Variants in NEGR1 observed in about 807,000 individuals in gnomAD.
NEGR1 encodes IgLON family member 4.
In NEGR1, 10 loss-of-function variants were observed where a neutral mutation model predicts 40.9. The ratio of observed to expected loss-of-function variants is 0.24; its 90% CI spans 0.15 to 0.42. The LOEUF (loss-of-function observed/expected upper bound fraction) is 0.42. Among genes scored for constraint, NEGR1 ranks in the 10% least tolerant of loss-of-function variants. The probability of loss-of-function intolerance (pLI) is 1.00; values close to 1 mark genes in which losing one functional copy is unlikely to be tolerated. For synonymous variants in NEGR1, 185 were observed against 166.8 expected, an observed-to-expected ratio of 1.11 and a Z score of -0.84; for missense variants, 352 against 438.9, an observed-to-expected ratio of 0.80 and a Z score of 1.77.
intron 2 of NEGR1, among the ~76,000 whole-genome samples, chr1:71,918,683 C>CAA (rs10707382): frequency 7.6e-5 from 11 of 144,406 alleles, no homozygotes; most frequent in South Asian, 2.2e-4. Flanking sequence ...TATGCTGTGC[C>CAA]AAAAAAAAAA....
chr1:71,974,818 T>A (rs1267947899), intron 1 of NEGR1, among the ~76,000 whole-genome samples: 1 of 152,190 alleles, frequency 6.6e-6, no homozygotes, highest in Non-Finnish European at 1.5e-5. Context: ...TGAAAAGATG[T>A]ATACCTTAAT....
intron 1 of NEGR1, chr1:72,274,909 C>A (rs553154944): frequency 1.3e-6 from 2 of 1,589,588 alleles, no homozygotes; most frequent in African/African-American, 2.7e-5. Context: ...CCAAGTCAAT[C>A]GAAAGTCAGA....
intron 6 of NEGR1, among the ~76,000 whole-genome samples, chr1:71,494,978 G>C (rs981157334): frequency 6.6e-6 from 1 of 151,964 alleles, no homozygotes; most frequent in Non-Finnish European, 1.5e-5. Flanking sequence ...CCTTTAGGAT[G>C]GTTCACTTCC....
chr1:71,673,899 C>G (rs1472425135), intron 4 of NEGR1, among the ~76,000 whole-genome samples: 1 of 151,776 alleles, frequency 6.6e-6, no homozygotes, highest in Admixed American at 6.6e-5. Flanking sequence ...GACATGTGGA[C>G]GAATTACAGA....
At chr1:72,245,061 C>T (rs1260431033) in intron 1 of NEGR1, among the ~76,000 whole-genome samples, 1 of 151,890 alleles carries the variant, frequency 6.6e-6, no homozygotes, top group Admixed American at 6.6e-5. Context: ...AGAGCATTGC[C>T]TTTTTTGACC....
intron 6 of NEGR1, among the ~76,000 whole-genome samples, chr1:71,569,574 C>T (rs911296096): frequency 4.6e-5 from 7 of 152,070 alleles, no homozygotes; most frequent in East Asian, 1.9e-4. Context: ...ACCGTTTGGG[C>T]GTTTAAAGTT....
At chr1:71,440,984 A>G (rs1213009889) in intron 6 of NEGR1, among the ~76,000 whole-genome samples, 1 of 152,192 alleles carries the variant, frequency 6.6e-6, no homozygotes, top group South Asian at 2.1e-4. Flanking sequence ...AAAGCAATCA[A>G]TTAAAAGACA....
chr1:71,763,301 A>T (rs1157773942), intron 3 of NEGR1, among the ~76,000 whole-genome samples: 1 of 152,024 alleles, frequency 6.6e-6, no homozygotes, highest in African/African-American at 2.4e-5. Context: ...TGTGGAATTA[A>T]CTCCCTGAAC....
intron 2 of NEGR1, among the ~76,000 whole-genome samples, chr1:71,801,311 T>C (rs1657547585): frequency 6.6e-6 from 1 of 152,172 alleles, no homozygotes; most frequent in Non-Finnish European, 1.5e-5. Context: ...ACATTACTGC[T>C]TTAGTGAGTC....
chr1:72,128,737 A>C (rs1004061773), intron 1 of NEGR1, among the ~76,000 whole-genome samples: 4 of 152,166 alleles, frequency 2.6e-5, no homozygotes, highest in Non-Finnish European at 5.9e-5. Context: ...TTGGGTGCCC[A>C]ATATTTGGTT....
At chr1:72,150,860 T>C (rs1651100905) in intron 1 of NEGR1, among the ~76,000 whole-genome samples, 1 of 152,018 alleles carries the variant, frequency 6.6e-6, no homozygotes, top group Admixed American at 6.6e-5. Context: ...AAAACAAAAA[T>C]ATTATAATAA....
chr1:72,057,249 T>A (rs1647119249), intron 1 of NEGR1, among the ~76,000 whole-genome samples: 1 of 151,568 alleles, frequency 6.6e-6, no homozygotes, highest in African/African-American at 2.4e-5. Context: ...CCTTGTTAAA[T>A]TTTTTGGTTA....
At position 72,051,047 on chromosome 1, in the gene NEGR1, A is replaced by G. The variant is rs115347470; in HGVS notation, c.177-115736T>C. On this transcript the variant is annotated intron_variant, in intron 1 of 6. Transcript: ENST00000357731. ...CTTCGACCCCACTAAACTTTCCACC[A>G]TCTTTAAAATCCTACATGCACTTAC... Among the ~76,000 whole-genome samples the G allele has an allele frequency of 8.5e-3, 1,292 of 151,546 alleles. 17 individuals carry two copies. The highest frequency in any genetic ancestry group is 0.03 in the African/African-American group (1,248 of 41,436).
intron 6 of NEGR1, among the ~76,000 whole-genome samples, chr1:71,429,075 T>G (rs1646448016): frequency 1.3e-5 from 2 of 152,198 alleles, no homozygotes; most frequent in African/African-American, 4.8e-5. Context: ...ACATAATTTT[T>G]TAGTTCTTTG....
chr1:71,990,170 T>C (rs566284995), intron 1 of NEGR1, among the ~76,000 whole-genome samples: 1 of 152,322 alleles, frequency 6.6e-6, no homozygotes, highest in East Asian at 1.9e-4. Context: ...TGCAATAATT[T>C]GATCTACAAA....
intron 1 of NEGR1, among the ~76,000 whole-genome samples, chr1:72,099,715 T>G (rs1316774609): frequency 6.6e-6 from 1 of 152,020 alleles, no homozygotes; most frequent in Non-Finnish European, 1.5e-5. Context: ...TTCTTTCTGA[T>G]GTAGTTAGCA....
chr1:71,450,749 G>T (rs1276441579), intron 6 of NEGR1, among the ~76,000 whole-genome samples: 1 of 151,988 alleles, frequency 6.6e-6, no homozygotes, highest in Non-Finnish European at 1.5e-5. Flanking sequence ...CGTAGAGGTT[G>T]CAGTGAGCTG....
chr1:72,262,697 G>C (rs1276250435), intron 1 of NEGR1, among the ~76,000 whole-genome samples: 1 of 151,728 alleles, frequency 6.6e-6, no homozygotes, highest in Non-Finnish European at 1.5e-5. Context: ...CCATGAATGT[G>C]CAATAAAGGT....
intron 1 of NEGR1, among the ~76,000 whole-genome samples, chr1:72,117,032 T>G (rs1649607145): frequency 6.6e-6 from 1 of 151,816 alleles, no homozygotes; most frequent in Admixed American, 6.6e-5. Flanking sequence ...AGTAGTTTTC[T>G]GTGAGCTTTG....
Sources: gnomAD v4.1 joint callset for allele counts (sites outside exome capture counted in the v4.1 genomes callset) on GRCh38, gnomAD v4.1.1 for gene constraint, MANE v1.5 for transcripts, NCBI Gene and HGNC (gene_info 2026-07-23, HGNC 2026-07-21) for gene names.